MGLL: variants seen among roughly 807,000 people sequenced by gnomAD.
MGLL encodes the protein monoglyceride lipase.
A neutral mutation model predicts 29.1 loss-of-function variants in MGLL; 7 were observed. The ratio of observed to expected loss-of-function variants is 0.24; its 90% CI spans 0.14 to 0.45. The LOEUF is 0.45. MGLL is among the 20% of genes least tolerant of loss of function. The pLI is 0.99. For synonymous variants in MGLL, 148 were observed against 168.3 expected, an observed-to-expected ratio of 0.88 and a Z score of 0.93; for missense variants, 356 against 413.6, an observed-to-expected ratio of 0.86 and a Z score of 1.21.
intron 2 of MGLL, among the ~76,000 whole-genome samples, chr3:127,793,102 T>G (rs1439997418): frequency 6.6e-6 from 1 of 152,212 alleles, no homozygotes; most frequent in African/African-American, 2.4e-5. Flanking sequence ...GATGGAACCC[T>G]TCCCAGCTCC....
At chr3:127,734,574 G>A (rs1212771503) in intron 3 of MGLL, among the ~76,000 whole-genome samples, 2 of 152,154 alleles carry the variant, frequency 1.3e-5, no homozygotes, top group African/African-American at 4.8e-5. Flanking sequence ...CTGCACAGGG[G>A]CCCTGCAGGA....
At chr3:127,762,125 G>T (rs1277133125) in intron 3 of MGLL, among the ~76,000 whole-genome samples, 2 of 152,194 alleles carry the variant, frequency 1.3e-5, no homozygotes, top group Non-Finnish European at 2.9e-5. Flanking sequence ...TTCAGAAAGG[G>T]CAGCCTGACA....
intron 3 of MGLL, among the ~76,000 whole-genome samples, chr3:127,745,198 T>C (rs1306580754): frequency 6.6e-6 from 1 of 152,218 alleles, no homozygotes; most frequent in Non-Finnish European, 1.5e-5. Flanking sequence ...AAGGGTTAAA[T>C]GAGGAGGCAA....
At chr3:127,781,147 GTA>G (rs1246036893) in intron 3 of MGLL, among the ~76,000 whole-genome samples, 1 of 152,126 alleles carries the variant, frequency 6.6e-6, no homozygotes, top group Non-Finnish European at 1.5e-5. Flanking sequence ...GTGAATGTGT[GTA>G]TATGTGTGTA....
intron 6 of MGLL, among the ~76,000 whole-genome samples, chr3:127,702,996 G>T (rs1269738643): frequency 6.6e-6 from 1 of 152,142 alleles, no homozygotes; most frequent in African/African-American, 2.4e-5. Flanking sequence ...CGTCCATCCA[G>T]CCCTAGCATC....
In MGLL at chr3:127,763,601, C is replaced by T. The variant is rs1200683888; in HGVS notation, c.262+18188G>A. On this transcript the variant is annotated intron_variant, in intron 3 of 7. Transcript: ENST00000265052. ...CTGGGTGGGGACATCTCCCTGGAGC[C>T]CCACCTGGACCTGTGCTGAGGCCAA... Among the ~76,000 whole-genome samples the T allele has an allele frequency of 3.3e-5, 5 of 152,332 alleles. No individual in the cohort carries two copies. In the East Asian group the frequency reaches 7.7e-4, roughly 24 times the overall value.
At chr3:127,759,985 T>C (rs1295570854) in intron 3 of MGLL, among the ~76,000 whole-genome samples, 2 of 152,252 alleles carry the variant, frequency 1.3e-5, no homozygotes, top group Admixed American at 1.3e-4. Flanking sequence ...GCCTCTCACA[T>C]TGACTGTCTT....
At chr3:127,822,903 G>A (rs778811618), upstream of MGLL, 1 of 156,644 alleles carries the variant, frequency 6.4e-6, no homozygotes, top group Non-Finnish European at 1.4e-5. Context: ...AAGGAGCAGG[G>A]AGGGCGCGCG....
At chr3:127,756,243 A>T (rs1186897090) in intron 3 of MGLL, among the ~76,000 whole-genome samples, 1 of 152,172 alleles carries the variant, frequency 6.6e-6, no homozygotes. Flanking sequence ...ATGTCTTTTT[A>T]TTCTGATATT....
intron 2 of MGLL, among the ~76,000 whole-genome samples, chr3:127,784,583 C>T (rs768058346): frequency 1.7e-4 from 26 of 152,248 alleles, no homozygotes; most frequent in Non-Finnish European, 2.8e-4. Flanking sequence ...TCTCTCTGCA[C>T]AGGAAGAGCC....
intron 3 of MGLL, among the ~76,000 whole-genome samples, chr3:127,726,833 A>C (rs1481184047): frequency 6.6e-6 from 1 of 152,200 alleles, no homozygotes; most frequent in Non-Finnish European, 1.5e-5. Context: ...AAAACACTTC[A>C]CCCTAAACAC....
intron 6 of MGLL, 118 bp from the exon 7 acceptor site, chr3:127,695,308 C>T (rs1445839181): frequency 9.4e-7 from 1 of 1,064,250 alleles, no homozygotes; most frequent in Non-Finnish European, 1.4e-6. Flanking sequence ...CCATTCAGGT[C>T]AGCTGGGCTT....
intron 2 of MGLL, among the ~76,000 whole-genome samples, chr3:127,805,037 CG>C (rs2107742002): frequency 6.6e-6 from 1 of 152,300 alleles, no homozygotes; most frequent in Admixed American, 6.5e-5. Flanking sequence ...TGTTTAAAAA[CG>C]GCAGCTGCCG....
chr3:127,712,816 G>A (rs927278294), intron 5 of MGLL: 1 of 152,290 alleles, frequency 6.6e-6, no homozygotes, highest in Non-Finnish European at 1.5e-5. Flanking sequence ...ACGAGCCTGG[G>A]AAAGGAAAAC....
At chr3:127,784,421 G>A (rs1307065824) in intron 2 of MGLL, among the ~76,000 whole-genome samples, 1 of 152,212 alleles carries the variant, frequency 6.6e-6, no homozygotes, top group East Asian at 1.9e-4. Flanking sequence ...TGGAACTTAA[G>A]TGTGGTGAGA....
intron 2 of MGLL, among the ~76,000 whole-genome samples, chr3:127,817,300 G>A (rs527746432): frequency 5.3e-4 from 81 of 152,352 alleles, no homozygotes; most frequent in East Asian, 5.2e-3. Context: ...CCTCCCAGTC[G>A]TGTGTCTTGG....
At chr3:127,731,127 G>T (rs2076142529) in intron 3 of MGLL, among the ~76,000 whole-genome samples, 1 of 152,180 alleles carries the variant, frequency 6.6e-6, no homozygotes, top group East Asian at 1.9e-4. Flanking sequence ...AACAGAGTTT[G>T]TTGAGAAGTA....
intron 3 of MGLL, among the ~76,000 whole-genome samples, chr3:127,779,669 C>T (rs2077091018): frequency 6.6e-6 from 1 of 152,138 alleles, no homozygotes; most frequent in Admixed American, 6.5e-5. Flanking sequence ...ATGCATTGAG[C>T]AACGAGATCC....
At chr3:127,780,484 C>T (rs971888950) in intron 3 of MGLL, among the ~76,000 whole-genome samples, 1 of 152,214 alleles carries the variant, frequency 6.6e-6, no homozygotes, top group Non-Finnish European at 1.5e-5. Flanking sequence ...AGATGATCCT[C>T]AAATATTATT....
Sources: allele counts gnomAD v4.1 joint callset (sites outside exome capture counted in the v4.1 genomes callset), GRCh38; gene constraint gnomAD v4.1.1; transcripts MANE v1.5; gene names NCBI Gene and HGNC (gene_info 2026-07-23, HGNC 2026-07-21).